The following WDFY2 variants were observed in gnomAD, a reference collection of about 807,000 sequenced individuals.
WDFY2 encodes the protein WD repeat and FYVE domain containing 2, also known as WD repeat and FYVE domain-containing protein 2.
Under a neutral mutation model 56.4 loss-of-function variants are expected in WDFY2, and 36 were observed. The observed-to-expected ratio is 0.64, with a 90% CI of 0.49 to 0.84. The LOEUF (loss-of-function observed/expected upper bound fraction) is 0.84, where lower values mean the gene tolerates loss of function less well. WDFY2 is among the 40% of genes least tolerant of loss of function. The pLI, the probability that WDFY2 is intolerant of heterozygous loss-of-function variation, is 0.00. For missense variants in WDFY2, 444 were observed against 512.2 expected, an observed-to-expected ratio of 0.87 and a Z score of 1.29; for synonymous variants, 176 against 183.7, an observed-to-expected ratio of 0.96 and a Z score of 0.34.
intron 2 of WDFY2, among the ~76,000 whole-genome samples, chr13:51,674,913 C>T (rs1593401268): frequency 6.6e-6 from 1 of 152,130 alleles, no homozygotes; most frequent in East Asian, 1.9e-4. Flanking sequence ...ACTGACAGAA[C>T]CAGCCAAGAC....
intron 3 of WDFY2, among the ~76,000 whole-genome samples, chr13:51,685,026 C>T (rs993237476): frequency 6.6e-6 from 1 of 152,132 alleles, no homozygotes; most frequent in African/African-American, 2.4e-5. Context: ...ACTTTCCCAC[C>T]AAACTTCAAA....
chr13:51,689,622 C>G (rs1956117361), intron 3 of WDFY2, among the ~76,000 whole-genome samples: 1 of 152,034 alleles, frequency 6.6e-6, no homozygotes, highest in South Asian at 2.1e-4. Flanking sequence ...GCATCCCTTC[C>G]CCCAACTTTT....
At chr13:51,627,731 C>G (rs2138371893) in intron 1 of WDFY2, among the ~76,000 whole-genome samples, 2 of 152,204 alleles carry the variant, frequency 1.3e-5, no homozygotes, top group South Asian at 4.1e-4. Flanking sequence ...GGCATGCAGG[C>G]AAGTGGAGGG....
At chr13:51,728,465 C>T (rs1952652187) in intron 6 of WDFY2, among the ~76,000 whole-genome samples, 1 of 152,260 alleles carries the variant, frequency 6.6e-6, no homozygotes, top group African/African-American at 2.4e-5. Flanking sequence ...AACTTATCGA[C>T]CCTAGAAAAT....
At chr13:51,712,338 A>G (rs1426639249) in intron 4 of WDFY2, among the ~76,000 whole-genome samples, 1 of 151,694 alleles carries the variant, frequency 6.6e-6, no homozygotes, top group African/African-American at 2.4e-5. Flanking sequence ...AGGAGAAATA[A>G]TGTAAATGAC....
intron 1 of WDFY2, among the ~76,000 whole-genome samples, chr13:51,658,910 T>G (rs551332378): frequency 6.6e-6 from 1 of 152,222 alleles, no homozygotes; most frequent in African/African-American, 2.4e-5. Context: ...TACTAATTAT[T>G]TATTTATTTA....
intron 4 of WDFY2, among the ~76,000 whole-genome samples, chr13:51,715,719 A>G (rs1952330149): frequency 6.6e-6 from 1 of 152,240 alleles, no homozygotes; most frequent in Admixed American, 6.5e-5. Context: ...ATCATTATCA[A>G]GTAACATTAT....
chr13:51,748,992 CATG>C (rs1031999465), intron 7 of WDFY2, among the ~76,000 whole-genome samples: 4 of 152,066 alleles, frequency 2.6e-5, no homozygotes, highest in African/African-American at 7.2e-5. Flanking sequence ...CCAGAAGCTA[CATG>C]ATAAGTGATA....
intron 4 of WDFY2, among the ~76,000 whole-genome samples, chr13:51,718,793 TGA>T (rs1952423229): frequency 6.6e-6 from 1 of 152,184 alleles, no homozygotes; most frequent in African/African-American, 2.4e-5. Flanking sequence ...CTGACGGTAG[TGA>T]TATTATATGA....
chr13:51,585,602 T>A (rs747270129), intron 1 of WDFY2, among the ~76,000 whole-genome samples: 1 of 152,258 alleles, frequency 6.6e-6, no homozygotes, highest in Non-Finnish European at 1.5e-5. Flanking sequence ...TCCTTGAATA[T>A]GCAGGAATAA....
chr13:51,755,085 T>C lies in WDFY2; in HGVS notation c.832-273T>C, dbSNP rs74717080. 3.8e-3 allele frequency among the ~76,000 whole-genome samples: 586 copies of C among 152,296 alleles called. 9 individuals are homozygous for C. The East Asian group carries it at 0.048, about 13-fold the overall frequency. On this transcript the variant is annotated intron_variant, in intron 8 of 11. Coordinates refer to ENST00000298125, the MANE Select transcript of WDFY2 (RefSeq NM_052950.4). ...TCTCTGCCAAAGCACTCTGTGCTTC[T>C]CCCTCTTGGGCCTTCACACACTTAT...
intron 1 of WDFY2, among the ~76,000 whole-genome samples, chr13:51,646,006 C>T (rs1486891519): frequency 6.6e-6 from 1 of 152,200 alleles, no homozygotes; most frequent in African/African-American, 2.4e-5. Context: ...TGACACCCTA[C>T]ATCCAGCCAG....
intron 6 of WDFY2, among the ~76,000 whole-genome samples, chr13:51,730,889 G>A (rs955699150): frequency 2.0e-5 from 3 of 152,194 alleles, no homozygotes; most frequent in Admixed American, 2.0e-4. Flanking sequence ...GGAGGTCAAG[G>A]TGGAGGGGCA....
rs1408268737 is a variant in WDFY2 at position 51,760,589 on chromosome 13, G to C, written c.*820G>C. 6.6e-6 allele frequency: 1 copy of C among 152,132 alleles called. No individual in the cohort carries two copies. The highest frequency in any genetic ancestry group is 3.2e-3 in the Middle Eastern group (1 of 316). The allele number at this position is 152,132 out of a possible 1,614,324, so 9.4% of individuals were successfully genotyped here. ...GGAGCCTCCTGAGCCTCTTGTTTTA[G>C]CTTTTTTGACGCAGCTCTCCCTCAC... On this transcript the variant is annotated 3_prime_UTR_variant, in exon 12 of 12. Transcript: ENST00000298125.
At chr13:51,734,260 T>G (rs1952787395) in intron 6 of WDFY2, among the ~76,000 whole-genome samples, 1 of 152,194 alleles carries the variant, frequency 6.6e-6, no homozygotes, top group Non-Finnish European at 1.5e-5. Context: ...AGCATTTTGG[T>G]AATATATATT....
chr13:51,616,532 G>C (rs1383660940), intron 1 of WDFY2, among the ~76,000 whole-genome samples: 1 of 152,126 alleles, frequency 6.6e-6, no homozygotes. Flanking sequence ...TCTCACTCAT[G>C]GTCGTTGATT....
rs759010878 is a variant in WDFY2 at position 51,687,173 on chromosome 13, CACTT to C, written c.279+11932_279+11935del. 1.8e-3 allele frequency among the ~76,000 whole-genome samples: 269 copies of C among 150,536 alleles called. 1 individual carries two copies. The highest frequency in any genetic ancestry group is 3.3e-3 in the Non-Finnish European group (224 of 67,630). ...AGAGCTATTATGTAAATTAATATAA[CACTT>C]AACATTTTTATTCAATTTTTAAAAT... is the stretch of plus-strand genomic sequence containing the variant. On this transcript the variant is annotated intron_variant, in intron 3 of 11. Coordinates refer to ENST00000298125, the MANE Select transcript of WDFY2 (RefSeq NM_052950.4).
rs149825011 is a variant in WDFY2 at position 51,651,399 on chromosome 13, T to C, written c.138-9197T>C. Reference sequence around the variant, plus strand: ...TTCATTAATTTTTTGAAGCATTTTTTTGTGTCTCTATCTCCTTCAGTTCTG... The same window carrying C: ...TTCATTAATTTTTTGAAGCATTTTTCTGTGTCTCTATCTCCTTCAGTTCTG... On this transcript the variant is annotated intron_variant, in intron 1 of 11. Transcript: ENST00000298125. Among the ~76,000 whole-genome samples, 191 of 152,338 alleles carry C rather than the reference T, an allele frequency of 1.3e-3. 1 individual carries two copies. Among genetic ancestry groups the C allele is most frequent in the African/African-American group, 4.5e-3 (187 of 41,576 alleles).
intron 1 of WDFY2, among the ~76,000 whole-genome samples, chr13:51,653,587 A>G (rs1232223174): frequency 2.0e-5 from 3 of 152,156 alleles, no homozygotes; most frequent in Non-Finnish European, 4.4e-5. Flanking sequence ...TTTGGTGTGC[A>G]TGTCCTTTCT....
Sources: gnomAD v4.1 joint callset for allele counts (sites outside exome capture counted in the v4.1 genomes callset) on GRCh38, gnomAD v4.1.1 for gene constraint, MANE v1.5 for transcripts, NCBI Gene and HGNC (gene_info 2026-07-23, HGNC 2026-07-21) for gene names.